PVT1: variants seen among roughly 807,000 people sequenced by gnomAD.
PVT1 encodes the protein CXCR4/PVT1 fusion.
At chr8:127,889,515 T>C (rs1170259022) in intron 2 of PVT1, among the ~76,000 whole-genome samples, 1 of 151,932 alleles carries the variant, frequency 6.6e-6, no homozygotes, top group Non-Finnish European at 1.5e-5. Flanking sequence ...GGGCCTCAAA[T>C]TTCTCATCTC....
At chr8:127,913,595 C>T (rs1433789366) in intron 3 of PVT1, among the ~76,000 whole-genome samples, 3 of 152,144 alleles carry the variant, frequency 2.0e-5, no homozygotes, top group Non-Finnish European at 4.4e-5. Context: ...CAAGTGTTGG[C>T]AGGTTCTGCC....
At chr8:127,873,583 CA>C (rs1443487465) in intron 2 of PVT1, among the ~76,000 whole-genome samples, 4 of 152,082 alleles carry the variant, frequency 2.6e-5, no homozygotes, top group African/African-American at 4.8e-5. Context: ...ATCCTCCCAG[CA>C]GGTAAAAGAG....
At chr8:127,835,553 C>T (rs924310964) in intron 2 of PVT1, among the ~76,000 whole-genome samples, 2 of 152,042 alleles carry the variant, frequency 1.3e-5, no homozygotes, top group Non-Finnish European at 2.9e-5. Context: ...CCATGGCACA[C>T]GCATATCTAT....
chr8:127,911,135 G>A (rs375717935), intron 3 of PVT1, among the ~76,000 whole-genome samples: 31 of 152,116 alleles, frequency 2.0e-4, no homozygotes, highest in African/African-American at 7.2e-4. Flanking sequence ...GCCCTGAACC[G>A]TCCAGGGACT....
rs575397647 is a variant in PVT1, at chr8:127,897,685, A to AAAGG, written n.782+6698_782+6701dup. On this transcript the variant is annotated intron_variant and non_coding_transcript_variant, in intron 3 of 10. Coordinates refer to ENST00000651587, the Ensembl canonical transcript of PVT1. ...AGGAAGAAAGGAAAGAAAGAAAGAA[A>AAAGG]AAGGAAGGAAGGAAAGAAGGAAGGA... Among the ~76,000 whole-genome samples, 50 of 151,164 alleles carry AAAGG rather than the reference A, an allele frequency of 3.3e-4. No individual in the cohort carries two copies. The East Asian group carries it at 9.2e-3, about 28-fold the overall frequency.
At chr8:128,037,919 G>T (rs1016457647) in intron 4 of PVT1, among the ~76,000 whole-genome samples, 2 of 152,144 alleles carry the variant, frequency 1.3e-5, no homozygotes, top group Non-Finnish European at 2.9e-5. Context: ...CCCTTTTACT[G>T]GTTCTCCTTC....
At chr8:127,821,009 T>G (rs1342425624) in intron 2 of PVT1, among the ~76,000 whole-genome samples, 1 of 152,104 alleles carries the variant, frequency 6.6e-6, no homozygotes, top group African/African-American at 2.4e-5. Flanking sequence ...GCGCCGAGCC[T>G]GAGCCTCAGT....
At chr8:127,799,817 A>G (rs1814441683) in intron 2 of PVT1, among the ~76,000 whole-genome samples, 1 of 152,228 alleles carries the variant, frequency 6.6e-6, no homozygotes, top group Admixed American at 6.5e-5. Context: ...GGCTGCATGA[A>G]GTAGTGGTTT....
intron 3 of PVT1, among the ~76,000 whole-genome samples, chr8:127,905,648 T>C (rs1276412998): frequency 6.6e-6 from 1 of 152,262 alleles, no homozygotes; most frequent in Admixed American, 6.5e-5. Flanking sequence ...TTTTTGAGTA[T>C]ATATAATTGT....
intron 3 of PVT1, among the ~76,000 whole-genome samples, chr8:127,918,792 A>C (rs1280969153): frequency 6.6e-6 from 1 of 152,204 alleles, no homozygotes; most frequent in Non-Finnish European, 1.5e-5. Flanking sequence ...GCAAATGCAC[A>C]AGCCTTGAGT....
chr8:127,861,001 C>T (rs1165708874), intron 2 of PVT1, among the ~76,000 whole-genome samples: 1 of 152,100 alleles, frequency 6.6e-6, no homozygotes, highest in East Asian at 1.9e-4. Flanking sequence ...CCCCAGCCTC[C>T]CTCCTCATTG....
intron 4 of PVT1, among the ~76,000 whole-genome samples, chr8:128,055,033 A>G (rs1813746949): frequency 1.3e-5 from 2 of 152,208 alleles, no homozygotes; most frequent in South Asian, 4.1e-4. Flanking sequence ...CCTTTGGATT[A>G]AAACTACAAC....
intron 4 of PVT1, among the ~76,000 whole-genome samples, chr8:128,042,839 C>T (rs556954078): frequency 3.9e-5 from 6 of 151,912 alleles, no homozygotes; most frequent in Non-Finnish European, 5.9e-5. Context: ...TCTTGGCTCA[C>T]TGCAACCTCT....
At chr8:127,813,647 G>A (rs1814626442) in intron 2 of PVT1, among the ~76,000 whole-genome samples, 1 of 152,160 alleles carries the variant, frequency 6.6e-6, no homozygotes, top group Admixed American at 6.5e-5. Context: ...TGGTGCCTCA[G>A]TTCCCTCATC....
intron 4 of PVT1, among the ~76,000 whole-genome samples, chr8:128,033,144 A>G (rs1813414639): frequency 6.6e-6 from 1 of 152,224 alleles, no homozygotes; most frequent in African/African-American, 2.4e-5. Flanking sequence ...ATTGTTAGAA[A>G]GAAGAAGAGA....
At chr8:128,093,678 C>A (rs1273245490) in intron 5 of PVT1, among the ~76,000 whole-genome samples, 1 of 151,986 alleles carries the variant, frequency 6.6e-6, no homozygotes, top group African/African-American at 2.4e-5. Flanking sequence ...AGCTCTGTCA[C>A]CCAGGCTGGA....
chr8:127,952,079 G>A (rs953672936), intron 3 of PVT1, among the ~76,000 whole-genome samples: 1 of 152,188 alleles, frequency 6.6e-6, no homozygotes, highest in Non-Finnish European at 1.5e-5. Flanking sequence ...CTCCCAAAGT[G>A]CTGAGATTAC....
At chr8:127,834,980 G>T (rs534388753) in intron 2 of PVT1, among the ~76,000 whole-genome samples, 3 of 152,272 alleles carry the variant, frequency 2.0e-5, no homozygotes, top group South Asian at 4.2e-4. Context: ...AAATAGGGAC[G>T]CTTTTACACT....
At chr8:128,091,578 G>A (rs1814353316) in intron 5 of PVT1, among the ~76,000 whole-genome samples, 1 of 152,172 alleles carries the variant, frequency 6.6e-6, no homozygotes, top group African/African-American at 2.4e-5. Flanking sequence ...TTCTCCAGAA[G>A]TGCTGCTTAG....
Sources: gnomAD v4.1 joint callset for allele counts (sites outside exome capture counted in the v4.1 genomes callset) on GRCh38, gnomAD v4.1.1 for gene constraint, MANE v1.5 for transcripts, NCBI Gene and HGNC (gene_info 2026-07-23, HGNC 2026-07-21) for gene names.